CEMIP: variants seen among roughly 807,000 people sequenced by gnomAD.
CEMIP encodes the protein cell migration-inducing and hyaluronan-binding protein.
A neutral mutation model predicts 156.9 loss-of-function variants in CEMIP; 105 were observed. The observed-to-expected ratio is 0.67, with a 90% CI of 0.57 to 0.79. The LOEUF (loss-of-function observed/expected upper bound fraction) is 0.79, where lower values mean the gene tolerates loss of function less well. CEMIP is among the 30% of genes least tolerant of loss of function. The pLI is 0.00. For synonymous variants in CEMIP, 676 were observed against 668.4 expected (o/e 1.01, Z -0.17); for missense variants, 1,457 against 1,769.4 (o/e 0.82, Z 3.17).
intron 1 of CEMIP, among the ~76,000 whole-genome samples, chr15:80,809,378 C>G (rs1362223266): frequency 6.6e-6 from 1 of 152,150 alleles, no homozygotes; most frequent in African/African-American, 2.4e-5. Context: ...ATTGTGAAGT[C>G]AGCATTTGAA....
intron 3 of CEMIP, among the ~76,000 whole-genome samples, chr15:80,878,171 T>C (rs1250621750): frequency 6.6e-6 from 1 of 152,246 alleles, no homozygotes; most frequent in Non-Finnish European, 1.5e-5. Flanking sequence ...TAAACTATAG[T>C]TCCTCCCAGT....
intron 1 of CEMIP, among the ~76,000 whole-genome samples, chr15:80,853,381 G>A (rs1394940119): frequency 6.6e-6 from 1 of 152,222 alleles, no homozygotes; most frequent in Non-Finnish European, 1.5e-5. Context: ...AATCAGCCCA[G>A]CTTTGGTCCT....
chr15:80,900,630 G>GTGTGTGTGTGTGTGTGTGTGTC (rs1899463028), intron 12 of CEMIP, among the ~76,000 whole-genome samples: 1 of 129,386 alleles, frequency 7.7e-6, no homozygotes, highest in African/African-American at 2.7e-5. Flanking sequence ...GTGTGTGTGT[G>GTGTGTGTGTGTGTGTGTGTGTC]TGTGTGTGTG....
chr15:80,879,257 G>A (rs77796629), intron 4 of CEMIP, among the ~76,000 whole-genome samples: 1,834 of 152,274 alleles, frequency 0.012, 33 homozygotes, highest in African/African-American at 0.04. Flanking sequence ...GGTTCTGCTC[G>A]TGAATTCAAC....
chr15:80,943,517 G>A (rs1041634185), intron 28 of CEMIP, among the ~76,000 whole-genome samples: 7 of 152,152 alleles, frequency 4.6e-5, no homozygotes, highest in African/African-American at 1.7e-4. Context: ...TGGACATCTT[G>A]TATGGAACTG....
chr15:80,828,419 C>G (rs1897087177), intron 1 of CEMIP, among the ~76,000 whole-genome samples: 1 of 152,070 alleles, frequency 6.6e-6, no homozygotes, highest in African/African-American at 2.4e-5. Flanking sequence ...CGCAGCAGTC[C>G]CAGAATCCAG....
At chr15:80,841,293 G>C (rs1897410006) in intron 1 of CEMIP, among the ~76,000 whole-genome samples, 1 of 152,234 alleles carries the variant, frequency 6.6e-6, no homozygotes, top group Non-Finnish European at 1.5e-5. Flanking sequence ...CAGCCAGTTA[G>C]TGACCTCTAC....
chr15:80,868,124 G>A (rs535853048), intron 1 of CEMIP, among the ~76,000 whole-genome samples: 14 of 152,196 alleles, frequency 9.2e-5, no homozygotes, highest in African/African-American at 2.4e-4. Flanking sequence ...CAGGAGCCAC[G>A]GCATGGATTT....
At chr15:80,879,008 A>T in intron 4 of CEMIP, 141 bp downstream of exon 4, 1 of 1,105,856 alleles carries the variant, frequency 9.0e-7, no homozygotes, top group South Asian at 1.3e-5. Flanking sequence ...GTTGTCTGAG[A>T]TAACCATCAG....
At chr15:80,831,971 G>C (rs754849609) in intron 1 of CEMIP, among the ~76,000 whole-genome samples, 3 of 152,218 alleles carry the variant, frequency 2.0e-5, no homozygotes, top group Non-Finnish European at 4.4e-5. Context: ...GGAAGAGACC[G>C]AGATAGAAAG....
At chr15:80,892,922 C>G (rs967233823) in intron 10 of CEMIP, among the ~76,000 whole-genome samples, 6 of 152,168 alleles carry the variant, frequency 3.9e-5, no homozygotes, top group African/African-American at 1.2e-4. Context: ...ACTGGTGGCC[C>G]ACGCCGGTAA....
chr15:80,904,489 G>A (rs573829631), intron 12 of CEMIP, among the ~76,000 whole-genome samples: 1 of 152,186 alleles, frequency 6.6e-6, no homozygotes, highest in Non-Finnish European at 1.5e-5. Flanking sequence ...TAGCTTATGT[G>A]ACAAAAGGGA....
intron 1 of CEMIP, among the ~76,000 whole-genome samples, chr15:80,857,174 C>T (rs1198407344): frequency 6.6e-6 from 1 of 152,242 alleles, no homozygotes; most frequent in African/African-American, 2.4e-5. Flanking sequence ...CAAACATTCC[C>T]TGTCTCTGCC....
intron 1 of CEMIP, among the ~76,000 whole-genome samples, chr15:80,834,230 T>G (rs1017881508): frequency 1.3e-5 from 2 of 152,242 alleles, no homozygotes; most frequent in Non-Finnish European, 2.9e-5. Flanking sequence ...CAGTTAAATA[T>G]TTTGCAAATA....
At position 80,878,712 on chromosome 15, in the gene CEMIP, C is replaced by T. The variant is rs1596152382; in HGVS notation, c.95-9C>T. 6.2e-7 allele frequency: 1 copy of T among 1,614,148 alleles called. No individual in the cohort carries two copies. Among genetic ancestry groups the T allele is most frequent in the Non-Finnish European group, 8.5e-7 (1 of 1,180,040 alleles). The stretch of plus-strand genomic sequence containing the variant: ...GATGGGAGCAGTGACATCTCTCTGT[C>T]CTTGGCAGTGGCTGCTGGGTGCCCT... On this transcript the variant is annotated splice_polypyrimidine_tract_variant and intron_variant, in intron 3 of 29. Transcript: ENST00000394685.
chr15:80,871,172 C>T (rs1898276350), intron 1 of CEMIP, among the ~76,000 whole-genome samples: 1 of 152,150 alleles, frequency 6.6e-6, no homozygotes, highest in African/African-American at 2.4e-5. Context: ...TTAGGATTCA[C>T]TTCAATGGAA....
chr15:80,898,350 G>A (rs1325471816), intron 12 of CEMIP, among the ~76,000 whole-genome samples: 3 of 152,188 alleles, frequency 2.0e-5, no homozygotes, highest in African/African-American at 2.4e-5. Flanking sequence ...GATTAAAGGA[G>A]TTTGTATATG....
chr15:80,826,450 GT>G (rs1897041180), intron 1 of CEMIP, among the ~76,000 whole-genome samples: 2 of 152,078 alleles, frequency 1.3e-5, no homozygotes, highest in South Asian at 4.1e-4. Flanking sequence ...ACACTTTTTG[GT>G]GCTGTCTTTT....
At position 80,852,331 on chromosome 15, in the gene CEMIP, G is replaced by A. The variant is rs558620436; in HGVS notation, c.-175-21207G>A. On this transcript the variant is annotated intron_variant, in intron 1 of 29. Transcript: ENST00000394685. ...ACCTGGCACACAGAAGGCCCTTGAA[G>A]TGTAACATTTACATCAGAATCAGAA... Among the ~76,000 whole-genome samples the A allele has an allele frequency of 1.1e-4, 17 of 152,266 alleles. No homozygotes were observed. In the East Asian group the frequency reaches 3.3e-3, roughly 29 times the overall value.
Sources: gnomAD v4.1 joint callset for allele counts (sites outside exome capture counted in the v4.1 genomes callset) on GRCh38, gnomAD v4.1.1 for gene constraint, MANE v1.5 for transcripts, NCBI Gene and HGNC (gene_info 2026-07-23, HGNC 2026-07-21) for gene names.